Variants in PDZD8 observed in about 807,000 individuals in gnomAD.
PDZD8 encodes the protein PDZ domain containing 8.
PDZD8 carries 14 observed loss-of-function variants against 85.8 expected under a neutral mutation model. That is an observed-to-expected ratio of 0.16 (90% CI 0.11 to 0.26). The LOEUF (loss-of-function observed/expected upper bound fraction) is 0.26, where lower values mean the gene tolerates loss of function less well. Ranked by LOEUF, PDZD8 falls within the 10% of genes least tolerant of loss-of-function variation. PDZD8 has a pLI of 1.00. For missense variants in PDZD8, 1,197 were observed against 1,424.3 expected (o/e 0.84, Z 2.57); for synonymous variants, 592 against 568.6 (o/e 1.04, Z -0.59).
intron 3 of PDZD8, among the ~76,000 whole-genome samples, chr10:117,306,552 T>G (rs1843946794): frequency 6.6e-6 from 1 of 152,174 alleles, no homozygotes; most frequent in Non-Finnish European, 1.5e-5. Context: ...GTTCTTATTC[T>G]GAATCACCAG....
chr10:117,362,546 T>C (rs773847968), intron 1 of PDZD8, among the ~76,000 whole-genome samples: 11 of 152,090 alleles, frequency 7.2e-5, no homozygotes, highest in Non-Finnish European at 1.0e-4. Flanking sequence ...AGATATCCTC[T>C]AGACTCTAAG....
At position 117,283,214 on chromosome 10, in the gene PDZD8, T is replaced by C. The variant is rs363291; in HGVS notation, c.*54A>G. ...GATTTAAACATGGTTGTATCTGTGG[T>C]ACTTTAGATGCAACTTTACCCTGTT... is the stretch of plus-strand genomic sequence containing the variant. On this transcript the variant is annotated 3_prime_UTR_variant, in exon 5 of 5. Coordinates refer to ENST00000334464, the MANE Select transcript of PDZD8 (RefSeq NM_173791.5). 1.3e-4 allele frequency: 189 copies of C among 1,499,802 alleles called. 1 individual carries two copies. In the African/African-American group the frequency reaches 2.3e-3, roughly 19 times the overall value. 92.9% of individuals were successfully genotyped at this position (1,499,802 alleles called of 1,614,324 possible).
At position 117,280,193 on chromosome 10, in the gene PDZD8, T is replaced by G. The variant is rs534277901; in HGVS notation, c.*3075A>C. 1 of 152,324 alleles carries G rather than the reference T, an allele frequency of 6.6e-6. No homozygotes were observed. The highest frequency in any genetic ancestry group is 2.4e-5 in the African/African-American group (1 of 41,592). The allele number at this position is 152,324 out of a possible 1,614,324, so 9.4% of individuals were successfully genotyped here. A position where few individuals can be genotyped will look rare whatever the true frequency, so the allele number is the denominator to read the frequency against. ...ATGAAGAAGTATAGCCTATTATGAT[T>G]GCTAATAATGCTAAAATGTTGCTCA... On this transcript the variant is annotated 3_prime_UTR_variant, in exon 5 of 5. Coordinates refer to ENST00000334464, the MANE Select transcript of PDZD8 (RefSeq NM_173791.5).
At chr10:117,367,703 GCAGA>G (rs1459701550) in intron 1 of PDZD8, among the ~76,000 whole-genome samples, 1 of 152,156 alleles carries the variant, frequency 6.6e-6, no homozygotes, top group African/African-American at 2.4e-5. Flanking sequence ...GGAGGCCGAG[GCAGA>G]CAGAGCACCT....
In PDZD8 at chr10:117,352,994, G is replaced by A. The variant is rs140723976; in HGVS notation, c.873-11892C>T. 1.7e-3 allele frequency among the ~76,000 whole-genome samples: 260 copies of A among 152,242 alleles called. 5 individuals carry two copies. Among genetic ancestry groups the A allele is most frequent in the African/African-American group, 5.8e-3 (243 of 41,542 alleles). ...CTGTGCGCCAAATTGCTTCTGGGTG[G>A]AGCCACAGGAGTGGGGTTGTAATAA... On this transcript the variant is annotated intron_variant, in intron 1 of 4. Coordinates refer to ENST00000334464, the MANE Select transcript of PDZD8 (RefSeq NM_173791.5).
intron 1 of PDZD8, among the ~76,000 whole-genome samples, chr10:117,347,725 GAA>G (rs1362239286): frequency 6.6e-6 from 1 of 152,152 alleles, no homozygotes; most frequent in African/African-American, 2.4e-5. Flanking sequence ...CAGTAGATAT[GAA>G]CTGGAATAAG....
chr10:117,362,787 G>T (rs1429767121), intron 1 of PDZD8, among the ~76,000 whole-genome samples: 3 of 151,978 alleles, frequency 2.0e-5, no homozygotes, highest in Non-Finnish European at 2.9e-5. Context: ...AGACTGTCAA[G>T]AATTTTCTCT....
intron 3 of PDZD8, among the ~76,000 whole-genome samples, chr10:117,317,409 C>T (rs1231547146): frequency 1.7e-5 from 1 of 59,710 alleles, no homozygotes; most frequent in East Asian, 2.9e-4. Context: ...TAATTTAATG[C>T]CTGTAGACAC....
Position 117,285,386 on chromosome 10 carries a change from A to C in PDZD8, c.1347T>G (p.Val449=), listed in dbSNP as rs1444343813. Residue 449 remains valine (V), a synonymous_variant, in exon 5 of 5, where the codon GTT becomes GTG. Coordinates refer to ENST00000334464, the MANE Select transcript of PDZD8 (RefSeq NM_173791.5). ...GCACTGCACCTTGATTACTCTGGCC[A>C]ACAGGCCTTTCATAGTACACCAGGA... ...DRVLVYYERP[V]GQSNQGAVLQ... 1 of 1,614,068 alleles carries C rather than the reference A, an allele frequency of 6.2e-7. No individual in the cohort carries two copies. Among genetic ancestry groups the C allele is most frequent in the Non-Finnish European group, 8.5e-7 (1 of 1,180,030 alleles).
Position 117,280,182 on chromosome 10 carries a change from C to T in PDZD8, c.*3086G>A, listed in dbSNP as rs1354749519. On this transcript the variant is annotated 3_prime_UTR_variant, in exon 5 of 5. Coordinates refer to ENST00000334464, the MANE Select transcript of PDZD8 (RefSeq NM_173791.5). ...TAAGGCTTGATATGAAGAAGTATAGCCTATTATGATTGCTAATAATGCTAA... is the reference window on the plus strand; with the variant it reads ...TAAGGCTTGATATGAAGAAGTATAGTCTATTATGATTGCTAATAATGCTAA... 1 of 152,068 alleles carries T rather than the reference C, an allele frequency of 6.6e-6. No individual in the cohort carries two copies. Among genetic ancestry groups the T allele is most frequent in the East Asian group, 1.9e-4 (1 of 5,192 alleles). 9.4% of individuals were successfully genotyped at this position (152,068 alleles called of 1,614,324 possible).
chr10:117,301,975 C>T (rs540479335), intron 3 of PDZD8, among the ~76,000 whole-genome samples: 23 of 152,200 alleles, frequency 1.5e-4, no homozygotes, highest in African/African-American at 5.5e-4. Context: ...AACTAGACTA[C>T]TATTACTCAA....
At chr10:117,326,000 C>T (rs1012328600) in intron 2 of PDZD8, among the ~76,000 whole-genome samples, 3 of 152,122 alleles carry the variant, frequency 2.0e-5, no homozygotes. Context: ...TCTGGCATTT[C>T]CCCTGCTCGC....
intron 3 of PDZD8, among the ~76,000 whole-genome samples, 179 bp downstream of exon 3, chr10:117,318,693 T>C (rs1281986639): frequency 6.6e-6 from 1 of 152,206 alleles, no homozygotes. Context: ...ATACTATTTA[T>C]AGTTTCTTGT....
At chr10:117,361,601 G>C (rs892506185) in intron 1 of PDZD8, among the ~76,000 whole-genome samples, 3 of 152,096 alleles carry the variant, frequency 2.0e-5, no homozygotes, top group African/African-American at 7.2e-5. Context: ...ACAGAAATCT[G>C]GTCTTCTTTA....
At chr10:117,289,481 C>G (rs933873353) in intron 4 of PDZD8, among the ~76,000 whole-genome samples, 1 of 152,192 alleles carries the variant, frequency 6.6e-6, no homozygotes, top group African/African-American at 2.4e-5. Context: ...ACAGGTACTA[C>G]AAAGGTTGAA....
chr10:117,283,323 G>C lies in PDZD8; in HGVS notation c.3410C>G (p.Ser1137Cys), dbSNP rs1844599514. ...LDNEISQLID[S>C]QPFSSISDDL... ...ATCTGATATGCTGCTGAATGGCTGAGAGTCTATTAGTTGGCTTATTTCATT... is the reference window on the plus strand; with the variant it reads ...ATCTGATATGCTGCTGAATGGCTGACAGTCTATTAGTTGGCTTATTTCATT... Residue 1137 changes from serine to cysteine, a missense_variant, in exon 5 of 5, where the codon TCT becomes TGT. Physicochemically the swap from Ser to Cys is moderately radical, Grantham distance 112. Around this residue, in one of 4 missense-constraint regions of PDZD8, gnomAD observed 418 missense variants for 571.1 expected, o/e 0.73. Transcript: ENST00000334464. 1.2e-6 allele frequency: 2 copies of C among 1,613,966 alleles called. No homozygotes were observed. Among genetic ancestry groups the C allele is most frequent in the South Asian group, 2.2e-5 (2 of 91,032 alleles).
chr10:117,347,379 C>T (rs1844727067), intron 1 of PDZD8, among the ~76,000 whole-genome samples: 1 of 152,154 alleles, frequency 6.6e-6, no homozygotes, highest in South Asian at 2.1e-4. Context: ...AACCATCAAC[C>T]AGAAAATTTT....
intron 2 of PDZD8, among the ~76,000 whole-genome samples, chr10:117,319,431 ACACTCTT>A (rs1844189846): frequency 3.7e-5 from 1 of 27,242 alleles, no homozygotes; most frequent in African/African-American, 6.1e-5. Context: ...ACACACACAC[ACACTCTT>A]CATCTACTAA....
At chr10:117,346,913 G>A (rs1459300302) in intron 1 of PDZD8, among the ~76,000 whole-genome samples, 1 of 152,106 alleles carries the variant, frequency 6.6e-6, no homozygotes, top group African/African-American at 2.4e-5. Context: ...TGAGCCCTAT[G>A]TATATCAATC....
Sources: gnomAD v4.1 joint callset for allele counts (sites outside exome capture counted in the v4.1 genomes callset) on GRCh38, gnomAD v4.1.1 for gene constraint, gnomAD v4.1.1 regional missense constraint, MANE v1.5 for transcripts, NCBI Gene and HGNC (gene_info 2026-07-23, HGNC 2026-07-21) for gene names.